Variants in DCLK2 observed in about 807,000 individuals in gnomAD.
The protein encoded by DCLK2 is serine/threonine-protein kinase DCLK2.
Under a neutral mutation model 78.4 loss-of-function variants are expected in DCLK2, and 31 were observed. The ratio of observed to expected loss-of-function variants is 0.40; its 90% CI spans 0.30 to 0.53. DCLK2 has a LOEUF of 0.53. DCLK2 is among the 20% of genes least tolerant of loss of function. The pLI, the probability that DCLK2 is intolerant of heterozygous loss-of-function variation, is 0.61. For synonymous variants in DCLK2, 407 were observed against 374.9 expected, an observed-to-expected ratio of 1.09 and a Z score of -0.99; for missense variants, 872 against 973.7, an observed-to-expected ratio of 0.90 and a Z score of 1.39.
At chr4:150,241,384 G>A (rs1275171574) in intron 12 of DCLK2, among the ~76,000 whole-genome samples, 2 of 152,178 alleles carry the variant, frequency 1.3e-5, no homozygotes, top group East Asian at 3.9e-4. Context: ...TTCAGCCACA[G>A]CTCTTTTGAT....
At chr4:150,094,316 T>G (rs889740010) in intron 1 of DCLK2, among the ~76,000 whole-genome samples, 1 of 151,938 alleles carries the variant, frequency 6.6e-6, no homozygotes, top group Non-Finnish European at 1.5e-5. Context: ...TGACAAGGGG[T>G]TAATATCTAA....
intron 2 of DCLK2, among the ~76,000 whole-genome samples, chr4:150,158,586 C>G (rs1735486162): frequency 6.6e-6 from 1 of 152,074 alleles, no homozygotes; most frequent in African/African-American, 2.4e-5. Context: ...GGGTACCATA[C>G]CAGTCTCTGG....
chr4:150,092,872 A>T (rs778106160), intron 1 of DCLK2, among the ~76,000 whole-genome samples: 5 of 152,194 alleles, frequency 3.3e-5, no homozygotes, highest in Admixed American at 6.5e-5. Flanking sequence ...TTTCTCTAAG[A>T]TCAAGAACAA....
chr4:150,239,811 G>A lies in DCLK2; in HGVS notation c.1636G>A (p.Gly546Ser). 1 of 1,614,220 alleles carries A rather than the reference G, an allele frequency of 6.2e-7. No homozygotes were observed. Among genetic ancestry groups the A allele is most frequent in the Non-Finnish European group, 8.5e-7 (1 of 1,180,040 alleles). Reference sequence around the variant, plus strand: ...CTTTGGGCTTGCGACTGTGGTAGAAGGCCCTTTATACACAGTCTGTGGCAC... The same window carrying A: ...CTTTGGGCTTGCGACTGTGGTAGAAAGCCCTTTATACACAGTCTGTGGCAC... Reference protein sequence around the residue: ...GDFGLATVVEGPLYTVCGTPT... With the variant: ...GDFGLATVVESPLYTVCGTPT... The change falls in exon 11 of 16, where the codon GGC becomes AGC. Residue 546 changes from glycine to serine, a missense_variant. By Grantham distance (56) the Gly-to-Ser change is moderately conservative. Transcript: ENST00000296550.
intron 2 of DCLK2, among the ~76,000 whole-genome samples, chr4:150,142,327 A>T (rs1232501102): frequency 6.6e-6 from 1 of 152,200 alleles, no homozygotes; most frequent in Non-Finnish European, 1.5e-5. Context: ...TGATTGGGTA[A>T]TTTGAGATGT....
At chr4:150,086,802 G>A (rs1053826087) in intron 1 of DCLK2, among the ~76,000 whole-genome samples, 28 of 151,974 alleles carry the variant, frequency 1.8e-4, no homozygotes, top group Admixed American at 8.5e-4. Context: ...CACCGTGCCC[G>A]GCCCACAACC....
At chr4:150,253,211 T>C in intron 15 of DCLK2, 1 of 513,750 alleles carries the variant, frequency 1.9e-6, no homozygotes, top group Non-Finnish European at 3.9e-6. Flanking sequence ...CTCTCCCTGG[T>C]ACTCATAGGT....
At chr4:150,081,266 A>G (rs1013058025) in intron 1 of DCLK2, among the ~76,000 whole-genome samples, 3 of 152,224 alleles carry the variant, frequency 2.0e-5, no homozygotes, top group Admixed American at 1.3e-4. Flanking sequence ...CATAGGAGAG[A>G]TGATAAGATG....
In DCLK2 at chr4:150,232,383, A is replaced by G; in HGVS notation, c.1346A>G (p.His449Arg). The change falls in exon 9 of 16, where the codon CAT (histidine) becomes CGT (arginine). Residue 449 changes from histidine to arginine, a missense_variant. Around this residue, in one of 3 missense-constraint regions of DCLK2, gnomAD observed 567 missense variants for 593.4 expected, o/e 0.96. Transcript: ENST00000296550. ...GTGTCAATACTGCGCCGAGTGAAAC[A>G]TCCCAATATCATTATGCTGGTCGAG... Reference protein sequence around the residue: ...NEVSILRRVKHPNIIMLVEEM... With the variant: ...NEVSILRRVKRPNIIMLVEEM... 2 of 1,614,172 alleles carry G rather than the reference A, an allele frequency of 1.2e-6. No individual in the cohort carries two copies. The highest frequency in any genetic ancestry group is 1.7e-6 in the Non-Finnish European group (2 of 1,180,006).
At chr4:150,216,081 CT>C (rs142003284) in intron 5 of DCLK2, among the ~76,000 whole-genome samples, 18,935 of 152,184 alleles carry the variant, frequency 0.12, 1,496 homozygotes, top group Non-Finnish European at 0.18. Flanking sequence ...ACTCTTGCTA[CT>C]TTTTTTTGAG....
intron 1 of DCLK2, among the ~76,000 whole-genome samples, chr4:150,081,952 C>A (rs556101555): frequency 4.4e-4 from 64 of 144,160 alleles, no homozygotes; most frequent in African/African-American, 1.6e-3. Flanking sequence ...GAGCCAAGAT[C>A]ACACCACTGC....
chr4:150,188,629 T>C (rs1738137117), intron 2 of DCLK2, among the ~76,000 whole-genome samples: 1 of 152,014 alleles, frequency 6.6e-6, no homozygotes, highest in African/African-American at 2.4e-5. Context: ...GGGCCGGGCA[T>C]GGTGGCTCAC....
At chr4:150,211,564 G>A (rs1459637149) in intron 5 of DCLK2, among the ~76,000 whole-genome samples, 1 of 152,018 alleles carries the variant, frequency 6.6e-6, no homozygotes, top group East Asian at 1.9e-4. Context: ...TTCTGCCCTG[G>A]GCTGGTCTGG....
At chr4:150,217,356 T>C (rs1740797839) in intron 5 of DCLK2, among the ~76,000 whole-genome samples, 1 of 152,234 alleles carries the variant, frequency 6.6e-6, no homozygotes, top group Non-Finnish European at 1.5e-5. Flanking sequence ...CCAGAGATCT[T>C]ACTGAATACT....
intron 2 of DCLK2, among the ~76,000 whole-genome samples, chr4:150,149,178 C>T (rs1011020948): frequency 3.3e-5 from 5 of 151,898 alleles, no homozygotes; most frequent in African/African-American, 1.2e-4. Context: ...TTTTATCAGA[C>T]CCCCCACCCC....
intron 2 of DCLK2, among the ~76,000 whole-genome samples, chr4:150,192,334 G>A (rs943576818): frequency 4.6e-5 from 7 of 152,028 alleles, no homozygotes; most frequent in Admixed American, 3.9e-4. Context: ...TAAAAAATTA[G>A]CTGGGTGTGG....
intron 1 of DCLK2, among the ~76,000 whole-genome samples, chr4:150,099,065 C>T (rs377437074): frequency 6.6e-6 from 1 of 152,066 alleles, no homozygotes; most frequent in East Asian, 1.9e-4. Context: ...ACTTTTTCAG[C>T]TATGTCCTTG....
intron 2 of DCLK2, among the ~76,000 whole-genome samples, chr4:150,183,288 A>C (rs1737663525): frequency 6.6e-6 from 1 of 152,242 alleles, no homozygotes; most frequent in Admixed American, 6.5e-5. Flanking sequence ...ATGCAATCTG[A>C]AGTCTCTGAA....
At chr4:150,208,130 G>C (rs561067139) in intron 5 of DCLK2, among the ~76,000 whole-genome samples, 1 of 152,318 alleles carries the variant, frequency 6.6e-6, no homozygotes, top group South Asian at 2.1e-4. Context: ...GACTTAACAG[G>C]AATCTTGCTC....
Sources: gnomAD v4.1 joint callset for allele counts (sites outside exome capture counted in the v4.1 genomes callset) on GRCh38, gnomAD v4.1.1 for gene constraint, gnomAD v4.1.1 regional missense constraint, MANE v1.5 for transcripts, NCBI Gene and HGNC (gene_info 2026-07-23, HGNC 2026-07-21) for gene names.